The following GPC6 variants were observed in gnomAD, a reference collection of about 807,000 sequenced individuals.
GPC6 encodes glypican-6.
Under a neutral mutation model 55.2 loss-of-function variants are expected in GPC6, and 14 were observed. The ratio of observed to expected loss-of-function variants is 0.25; its 90% CI spans 0.17 to 0.40. The LOEUF is 0.40. Among genes scored for constraint, GPC6 ranks in the 10% least tolerant of loss-of-function variants. The pLI is 1.00. For synonymous variants in GPC6, 278 were observed against 259.6 expected (o/e 1.07, Z -0.68); for missense variants, 641 against 708.5 (o/e 0.90, Z 1.08).
At chr13:93,540,531 T>C (rs1437468415) in intron 1 of GPC6, among the ~76,000 whole-genome samples, 4 of 152,284 alleles carry the variant, frequency 2.6e-5, no homozygotes, top group South Asian at 2.1e-4. Context: ...GATATAGCTT[T>C]ATTTTTATTT....
chr13:93,624,868 G>GT (rs1879135672), intron 2 of GPC6, among the ~76,000 whole-genome samples: 2 of 152,186 alleles, frequency 1.3e-5, no homozygotes, highest in South Asian at 4.1e-4. Flanking sequence ...AAAGCAAGGA[G>GT]TTTCAAGAGA....
chr13:93,604,716 G>A (rs943005157), intron 2 of GPC6, among the ~76,000 whole-genome samples: 2 of 152,102 alleles, frequency 1.3e-5, no homozygotes, highest in African/African-American at 4.8e-5. Flanking sequence ...AGAGTTATAC[G>A]CAAATGTGGA....
At chr13:93,581,268 G>T (rs555475220) in intron 2 of GPC6, among the ~76,000 whole-genome samples, 15 of 150,136 alleles carry the variant, frequency 1.0e-4, no homozygotes, top group Non-Finnish European at 1.9e-4. Context: ...CCCAATATCT[G>T]CTAGTTATCT....
intron 4 of GPC6, among the ~76,000 whole-genome samples, chr13:94,052,803 C>T (rs909953850): frequency 6.6e-6 from 1 of 152,026 alleles, no homozygotes; most frequent in African/African-American, 2.4e-5. Context: ...GTCAGGAGCC[C>T]CTTATTAAAG....
chr13:94,311,369 A>G lies in GPC6; in HGVS notation c.1152+5246A>G, dbSNP rs368487775. Among the ~76,000 whole-genome samples the G allele has an allele frequency of 5.3e-5, 8 of 152,276 alleles. No individual in the cohort carries two copies. The East Asian group carries it at 1.5e-3, about 29-fold the overall frequency. On this transcript the variant is annotated intron_variant, in intron 6 of 8. Transcript: ENST00000377047. Reference sequence around the variant, plus strand: ...TTCTTAGTAGAGACGGAGTTTCACCATGTTTTCCAGGCTGGTCTTGAACTT... The same window carrying G: ...TTCTTAGTAGAGACGGAGTTTCACCGTGTTTTCCAGGCTGGTCTTGAACTT...
rs920723387 is a variant in GPC6, at chr13:93,332,106, G to A, written c.160+104490G>A. On this transcript the variant is annotated intron_variant, in intron 1 of 8. Coordinates refer to ENST00000377047, the MANE Select transcript of GPC6 (RefSeq NM_005708.5). ...CCACATTTTCTTTATTCATTTATTCGTTAATGAACACTTGGTTGATTCCAT... is the reference window on the plus strand; with the variant it reads ...CCACATTTTCTTTATTCATTTATTCATTAATGAACACTTGGTTGATTCCAT... 5.9e-5 allele frequency among the ~76,000 whole-genome samples: 9 copies of A among 151,874 alleles called. 1 individual carries two copies. Among genetic ancestry groups the A allele is most frequent in the Non-Finnish European group, 5.9e-5 (4 of 67,924 alleles).
chr13:94,170,949 G>A (rs1206092280), intron 4 of GPC6, among the ~76,000 whole-genome samples: 1 of 152,188 alleles, frequency 6.6e-6, no homozygotes, highest in Non-Finnish European at 1.5e-5. Context: ...AATCTAGGAT[G>A]TTCTTAATGT....
intron 4 of GPC6, among the ~76,000 whole-genome samples, chr13:94,099,969 G>A (rs1422737454): frequency 6.6e-6 from 1 of 152,124 alleles, no homozygotes; most frequent in African/African-American, 2.4e-5. Context: ...TGAGGGTAGA[G>A]GGTGGGAGGA....
chr13:94,366,728 A>C (rs57927846), intron 6 of GPC6, among the ~76,000 whole-genome samples: 111 of 152,366 alleles, frequency 7.3e-4, no homozygotes, highest in African/African-American at 2.7e-3. Flanking sequence ...ATAATGCCTG[A>C]GAAAAGATAG....
At chr13:93,260,017 A>G (rs1385329104) in intron 1 of GPC6, among the ~76,000 whole-genome samples, 1 of 152,160 alleles carries the variant, frequency 6.6e-6, no homozygotes, top group Non-Finnish European at 1.5e-5. Flanking sequence ...ACAAACATCA[A>G]TGAAATAAAA....
Position 93,808,028 on chromosome 13 carries a change from T to C in GPC6, c.320-22126T>C, listed in dbSNP as rs187876719. Among the ~76,000 whole-genome samples, 244 of 152,340 alleles carry C rather than the reference T, an allele frequency of 1.6e-3. 4 individuals are homozygous for C. Among genetic ancestry groups the C allele is most frequent in the Non-Finnish European group, 1.8e-4 (12 of 68,038 alleles). ...GGTGACTTAGACAACATTGTACTTA[T>C]GAAATTAAGTAGGCCACTTACACTT... On this transcript the variant is annotated intron_variant, in intron 2 of 8. Coordinates refer to ENST00000377047, the MANE Select transcript of GPC6 (RefSeq NM_005708.5).
intron 1 of GPC6, among the ~76,000 whole-genome samples, chr13:93,421,319 A>G (rs1011031087): frequency 6.6e-5 from 10 of 152,192 alleles, no homozygotes; most frequent in African/African-American, 1.4e-4. Flanking sequence ...GCCGTCATGT[A>G]TAAAGCAGTT....
At chr13:93,576,467 C>T (rs1250700508) in intron 2 of GPC6, among the ~76,000 whole-genome samples, 1 of 151,976 alleles carries the variant, frequency 6.6e-6, no homozygotes, top group Non-Finnish European at 1.5e-5. Flanking sequence ...ATTCTTTTTG[C>T]CCTTAGTTTT....
intron 1 of GPC6, among the ~76,000 whole-genome samples, chr13:93,450,376 A>G (rs1359193286): frequency 1.3e-5 from 2 of 152,218 alleles, no homozygotes; most frequent in Non-Finnish European, 2.9e-5. Context: ...GAGCCTCCTC[A>G]TCTGTAATCC....
rs968160166 is a variant in GPC6, at chr13:93,352,676, G to T, written c.160+125060G>T. 3.9e-5 allele frequency among the ~76,000 whole-genome samples: 6 copies of T among 152,086 alleles called. No individual in the cohort carries two copies. In the East Asian group the frequency reaches 7.7e-4, roughly 20 times the overall value. ...GGAGGAGTGGGGAGTGGAAGGAAGA[G>T]AATTTATAGAGAGGTAAGCAGGTCC... On this transcript the variant is annotated intron_variant, in intron 1 of 8. Coordinates refer to ENST00000377047, the MANE Select transcript of GPC6 (RefSeq NM_005708.5).
At position 94,223,408 on chromosome 13, in the gene GPC6, C is replaced by A. The variant is rs566618256; in HGVS notation, c.878-62941C>A. Among the ~76,000 whole-genome samples the A allele has an allele frequency of 3.3e-5, 5 of 152,250 alleles. No homozygotes were observed. In the East Asian group the frequency reaches 9.6e-4, roughly 29 times the overall value. On this transcript the variant is annotated intron_variant, in intron 4 of 8. Coordinates refer to ENST00000377047, the MANE Select transcript of GPC6 (RefSeq NM_005708.5). ...TTTAATCTACACACTAGACACATTG[C>A]TGTGAGTTCGATATCATTGTGCTCA...
chr13:93,418,869 T>G (rs985256864), intron 1 of GPC6, among the ~76,000 whole-genome samples: 2 of 151,198 alleles, frequency 1.3e-5, no homozygotes, highest in Non-Finnish European at 3.0e-5. Context: ...TTAATGGCAC[T>G]ATACCATAGT....
At position 94,272,468 on chromosome 13, in the gene GPC6, T is replaced by C. The variant is rs28436977; in HGVS notation, c.878-13881T>C. Among the ~76,000 whole-genome samples, 35 of 122,096 alleles carry C rather than the reference T, an allele frequency of 2.9e-4. 1 individual carries two copies. In the East Asian group the frequency reaches 4.4e-3, roughly 15 times the overall value. The allele number at this position is 122,096 out of a possible 152,430, so 80.1% of individuals were successfully genotyped here. On this transcript the variant is annotated intron_variant, in intron 4 of 8. Coordinates refer to ENST00000377047, the MANE Select transcript of GPC6 (RefSeq NM_005708.5). ...CTTTTCTTTTCTTTTCTTTTCTTTT[T>C]TTTTTTTTTTTTTTTTTTGAAACAG...
intron 2 of GPC6, among the ~76,000 whole-genome samples, chr13:93,687,380 T>C (rs1450846325): frequency 1.3e-5 from 2 of 152,088 alleles, no homozygotes; most frequent in Non-Finnish European, 2.9e-5. Context: ...TAAATATTTG[T>C]TGAAGTAAGC....
Sources: gnomAD v4.1 joint callset for allele counts (sites outside exome capture counted in the v4.1 genomes callset) on GRCh38, gnomAD v4.1.1 for gene constraint, MANE v1.5 for transcripts, NCBI Gene and HGNC (gene_info 2026-07-23, HGNC 2026-07-21) for gene names.